Variants in CLDN14 observed in about 807,000 individuals in gnomAD.
CLDN14 encodes claudin 14, also known as claudin-14.
CLDN14 carries 2 observed loss-of-function variants against 2.1 expected under a neutral mutation model. The observed-to-expected ratio is 0.96, with a 90% CI of 0.39 to 3.01. The LOEUF (loss-of-function observed/expected upper bound fraction) is 3.01, where lower values mean the gene tolerates loss of function less well. Ranked by LOEUF, CLDN14 falls within the 30% of genes most tolerant of loss-of-function variation. The probability of loss-of-function intolerance (pLI) is 0.09; values close to 1 mark genes in which losing one functional copy is unlikely to be tolerated. For synonymous variants in CLDN14, 136 were observed against 154.4 expected (o/e 0.88, Z 0.88); for missense variants, 298 against 328.0 (o/e 0.91, Z 0.71).
Position 36,499,991 on chromosome 21 carries a change from C to T in CLDN14, c.-82+10372G>A, listed in dbSNP as rs576358312. Among the ~76,000 whole-genome samples the T allele has an allele frequency of 2.7e-5, 4 of 150,860 alleles. No homozygotes were observed. The highest frequency in any genetic ancestry group is 2.1e-4 in the South Asian group (1 of 4,730). On this transcript the variant is annotated intron_variant, in intron 2 of 2. Transcript: ENST00000342108. The surrounding 1 kb of genome is among the most constrained non-coding windows in gnomAD (Gnocchi z 4.7). ...TACCTGTCTTCCAATGCGAGTCCCG[C>T]GAGGTGAAGAATTAGAGCATGTTGT...
intron 1 of CLDN14, among the ~76,000 whole-genome samples, chr21:36,574,966 T>A (rs1295312854): frequency 6.6e-6 from 1 of 152,164 alleles, no homozygotes; most frequent in Non-Finnish European, 1.5e-5. Context: ...CAGAGATGAT[T>A]TTAAGAAACA....
chr21:36,493,404 G>C (rs1395554777), intron 2 of CLDN14, among the ~76,000 whole-genome samples: 2 of 152,150 alleles, frequency 1.3e-5, no homozygotes, highest in African/African-American at 4.8e-5. Context: ...AGGTTTTTAT[G>C]TTCTCAGCAA....
At chr21:36,553,438 G>A (rs925039976) in intron 1 of CLDN14, among the ~76,000 whole-genome samples, 2 of 152,148 alleles carry the variant, frequency 1.3e-5, no homozygotes, top group Non-Finnish European at 2.9e-5. Context: ...AGCTCTTGCA[G>A]TATACGCCTT....
chr21:36,509,965 C>T (rs2087170719), intron 2 of CLDN14, among the ~76,000 whole-genome samples: 1 of 152,244 alleles, frequency 6.6e-6, no homozygotes, highest in African/African-American at 2.4e-5. Context: ...CACAACCTGT[C>T]AATCCCTAAA....
upstream of CLDN14, among the ~76,000 whole-genome samples, chr21:36,483,647 G>A (rs745882318): frequency 6.6e-6 from 1 of 152,232 alleles, no homozygotes; most frequent in Non-Finnish European, 1.5e-5. Context: ...TTAAAAGAAC[G>A]GTGAGCCCAG....
chr21:36,546,594 A>G (rs995706167), intron 1 of CLDN14, among the ~76,000 whole-genome samples: 9 of 152,144 alleles, frequency 5.9e-5, no homozygotes, highest in African/African-American at 1.9e-4. Context: ...TTCCTCAAGC[A>G]CTTACCTTTT....
At position 36,544,441 on chromosome 21, in the gene CLDN14, G is replaced by A. The variant is rs1338854028; in HGVS notation, c.-220+31970C>T. Among the ~76,000 whole-genome samples the A allele has an allele frequency of 1.3e-5, 2 of 152,168 alleles. No individual in the cohort carries two copies. The highest frequency in any genetic ancestry group is 2.9e-5 in the Non-Finnish European group (2 of 68,032). On this transcript the variant is annotated intron_variant, in intron 1 of 2. Transcript: ENST00000342108. This position sits in a 1 kb window ranked among gnomAD's most constrained non-coding sequence, Gnocchi z 4.1. ...CAAGACTAGAACAAAGTTCTCCCAG[G>A]CCTCAGACAGTCATCCCTGCCTGCA... is the stretch of plus-strand genomic sequence containing the variant.
intron 1 of CLDN14, among the ~76,000 whole-genome samples, chr21:36,519,748 A>C (rs1365243555): frequency 6.6e-6 from 1 of 152,050 alleles, no homozygotes; most frequent in South Asian, 2.1e-4. Flanking sequence ...CCCCAAAAAC[A>C]AAAAAACCCA....
chr21:36,487,217 T>C, intron 2 of CLDN14: 1 of 185,602 alleles, frequency 5.4e-6, no homozygotes, highest in Non-Finnish European at 1.1e-5. Flanking sequence ...ACTCCTGACC[T>C]CATGGTCTGC....
intron 1 of CLDN14, among the ~76,000 whole-genome samples, chr21:36,522,384 C>G (rs984872459): frequency 4.6e-5 from 7 of 152,232 alleles, no homozygotes; most frequent in African/African-American, 1.7e-4. Context: ...CTTGTCCTTG[C>G]TTATTAACTT....
At chr21:36,478,632 T>C (rs1045343938) in intron 1 of CLDN14, among the ~76,000 whole-genome samples, 1 of 152,208 alleles carries the variant, frequency 6.6e-6, no homozygotes, top group Admixed American at 6.5e-5. Context: ...GCCCAGCCCC[T>C]GGAAGCACAC....
At chr21:36,481,765 T>C (rs1198582247), upstream of CLDN14, among the ~76,000 whole-genome samples, 2 of 152,216 alleles carry the variant, frequency 1.3e-5, no homozygotes, top group African/African-American at 4.8e-5. Context: ...GATAAAACAG[T>C]GTTTCCTGGA....
At chr21:36,476,905 ATTGCAGAAATCCTTGTG>A (rs2086786532) in intron 1 of CLDN14, among the ~76,000 whole-genome samples, 1 of 152,250 alleles carries the variant, frequency 6.6e-6, no homozygotes, top group South Asian at 2.1e-4. Flanking sequence ...GAGATTTCAG[ATTGCAGAAATCCTTGTG>A]TAAGCAAAGG....
Position 36,460,932 on chromosome 21 carries a change from G to C in CLDN14, c.*44C>G, listed in dbSNP as rs780070024. The C allele has an allele frequency of 4.4e-6, 7 of 1,598,268 alleles. No individual in the cohort carries two copies. In the South Asian group the frequency reaches 6.7e-5, roughly 15 times the overall value. On this transcript the variant is annotated 3_prime_UTR_variant, in exon 2 of 2. Coordinates refer to ENST00000399135, the MANE Select transcript of CLDN14 (RefSeq NM_001146079.2). The surrounding 1 kb of genome is among the most constrained non-coding windows in gnomAD (Gnocchi z 4.0). Reference sequence around the variant, plus strand: ...TGCCTCCATTGACAGTCCCGCCGGGGACCCAGCCCACAGCAGCCCAGGGGA... The same window carrying C: ...TGCCTCCATTGACAGTCCCGCCGGGCACCCAGCCCACAGCAGCCCAGGGGA...
intron 1 of CLDN14, among the ~76,000 whole-genome samples, chr21:36,535,476 G>T (rs1246357450): frequency 6.6e-6 from 1 of 152,074 alleles, no homozygotes; most frequent in Non-Finnish European, 1.5e-5. Context: ...AAAAAAGCAT[G>T]AGCTATAAAA....
chr21:36,466,506 T>A (rs1051628741), intron 1 of CLDN14: 8 of 152,036 alleles, frequency 5.3e-5, no homozygotes, highest in Non-Finnish European at 2.9e-5. Context: ...AACCATCAGA[T>A]CTCATGAGAA....
chr21:36,467,507 T>C (rs1004454980), intron 1 of CLDN14, among the ~76,000 whole-genome samples: 22 of 152,256 alleles, frequency 1.4e-4, no homozygotes, highest in Middle Eastern at 6.8e-3. Flanking sequence ...TCCAGGCTTC[T>C]TGGAGGGGTG....
chr21:36,538,069 G>C (rs2087444123), intron 1 of CLDN14, among the ~76,000 whole-genome samples: 1 of 152,150 alleles, frequency 6.6e-6, no homozygotes, highest in South Asian at 2.1e-4. Context: ...AATGGTTAGA[G>C]CCAGGGAGAC....
chr21:36,573,300 CAAA>C (rs373406611), intron 1 of CLDN14, among the ~76,000 whole-genome samples: 2 of 109,136 alleles, frequency 1.8e-5, no homozygotes, highest in Non-Finnish European at 1.8e-5. Flanking sequence ...GACTCTGTCT[CAAA>C]AAAAAAAAAA....
Sources: gnomAD v4.1 joint callset for allele counts (sites outside exome capture counted in the v4.1 genomes callset) on GRCh38, gnomAD v4.1.1 for gene constraint, Gnocchi (gnomAD v3.1) non-coding constraint, MANE v1.5 for transcripts, NCBI Gene and HGNC (gene_info 2026-07-23, HGNC 2026-07-21) for gene names.